The following ZFP1 variants were observed in gnomAD, a reference collection of about 807,000 sequenced individuals.
ZFP1 encodes the protein ZFP1 zinc finger protein, also known as zinc finger protein 1 homolog.
Under a neutral mutation model 38.5 loss-of-function variants are expected in ZFP1, and 32 were observed. The observed-to-expected ratio is 0.83, with a 90% CI of 0.63 to 1.12. The LOEUF (loss-of-function observed/expected upper bound fraction) is 1.12, where lower values mean the gene tolerates loss of function less well. Among genes scored for constraint, ZFP1 ranks in the 50% most tolerant of loss-of-function variants. The pLI is 0.00. For missense variants in ZFP1, 616 were observed against 480.8 expected (o/e 1.28, Z -2.63); for synonymous variants, 245 against 168.8 (o/e 1.45, Z -3.50).
chr16:75,134,702 G>A, the ZFP1 span, among the ~76,000 whole-genome samples: 86 of 148,346 alleles, frequency 5.8e-4, 1 homozygote, highest in African/African-American at 2.1e-3. Context: ...AGTGAGCCAA[G>A]ATCGCACCAC....
chr16:75,135,216 A>AAAAAAAAAAAAAC, the ZFP1 span, among the ~76,000 whole-genome samples: 2 of 145,250 alleles, frequency 1.4e-5, 1 homozygote, highest in Non-Finnish European at 3.0e-5. Context: ...TCTCAAAAAA[A>AAAAAAAAAAAAAC]AAAAAAAAAA....
intron 2 of ZFP1, among the ~76,000 whole-genome samples, chr16:75,154,192 C>G (rs1012513580): frequency 6.6e-6 from 1 of 150,884 alleles, no homozygotes; most frequent in East Asian, 1.9e-4. Flanking sequence ...CCACTGAACT[C>G]CAGCCTGGGC....
the ZFP1 span, among the ~76,000 whole-genome samples, chr16:75,129,983 T>A: frequency 6.6e-6 from 1 of 152,278 alleles, no homozygotes; most frequent in African/African-American, 2.4e-5. Context: ...TTTGACCTTT[T>A]GACTTGTGGT....
upstream of ZFP1, among the ~76,000 whole-genome samples, chr16:75,145,421 G>A (rs1372285574): frequency 2.0e-5 from 3 of 152,152 alleles, no homozygotes; most frequent in African/African-American, 4.8e-5. Context: ...CCTGGTGAGG[G>A]TTCTTACCCT....
At position 75,171,894 on chromosome 16, in the gene ZFP1, G is replaced by C. The variant is rs373810598; in HGVS notation, c.*1560G>C. On this transcript the variant is annotated 3_prime_UTR_variant, in exon 4 of 4. Coordinates refer to ENST00000570010, the MANE Select transcript of ZFP1 (RefSeq NM_153688.4). ...TGTAACAGCCTCCTTGGACAACATT[G>C]TGAGTCTGTTTTAACATTAATATAC... The C allele has an allele frequency of 1.3e-5, 2 of 152,212 alleles. No individual in the cohort carries two copies. Among genetic ancestry groups the C allele is most frequent in the Non-Finnish European group, 2.9e-5 (2 of 68,040 alleles). The allele number at this position is 152,212 out of a possible 1,614,324, so 9.4% of individuals were successfully genotyped here.
chr16:75,170,170 T>C lies in ZFP1; in HGVS notation c.1060T>C (p.Cys354Arg), dbSNP rs2038347141. ...TCATACAGGAGAGAAACCCTATGAA[T>C]GTACTGAGTGCGGCAAAACTTTCAG... Reference protein sequence around the residue: ...RTHTGEKPYECTECGKTFSQR... With the variant: ...RTHTGEKPYERTECGKTFSQR... Residue 354 changes from cysteine (C) to arginine (R), a missense_variant, in exon 4 of 4, where the codon TGT becomes CGT. Transcript: ENST00000570010. 6.2e-7 allele frequency: 1 copy of C among 1,614,208 alleles called. No homozygotes were observed. Among genetic ancestry groups the C allele is most frequent in the Non-Finnish European group, 8.5e-7 (1 of 1,180,040 alleles).
At chr16:75,136,149 G>A in the ZFP1 span, among the ~76,000 whole-genome samples, 2 of 152,126 alleles carry the variant, frequency 1.3e-5, no homozygotes, top group African/African-American at 4.8e-5. Context: ...TTAGGAAGTC[G>A]GGGGAGTCCC....
At position 75,171,239 on chromosome 16, in the gene ZFP1, TTAA is replaced by T. The variant is rs1212756611; in HGVS notation, c.*908_*910del. The T allele has an allele frequency of 2.6e-5, 4 of 152,242 alleles. No individual in the cohort carries two copies. Among genetic ancestry groups the T allele is most frequent in the Non-Finnish European group, 5.9e-5 (4 of 68,046 alleles). The allele number at this position is 152,242 out of a possible 1,614,324, so 9.4% of individuals were successfully genotyped here. A position where few individuals can be genotyped will look rare whatever the true frequency, so the allele number is the denominator to read the frequency against. ...CTGTTTTTGTCTTTCCTTGTTTCCCTTAATATTTCATGAATTGTCTAGCAAAAA... is the reference window on the plus strand; with the variant it reads ...CTGTTTTTGTCTTTCCTTGTTTCCCTTATTTCATGAATTGTCTAGCAAAAA... On this transcript the variant is annotated 3_prime_UTR_variant, in exon 4 of 4. Coordinates refer to ENST00000570010, the MANE Select transcript of ZFP1 (RefSeq NM_153688.4).
At chr16:75,145,927 A>G (rs2036938005), upstream of ZFP1, among the ~76,000 whole-genome samples, 1 of 152,104 alleles carries the variant, frequency 6.6e-6, no homozygotes, top group Admixed American at 6.6e-5. Context: ...CTGTCCATGG[A>G]TGGCAACTGC....
chr16:75,133,653 G>A, the ZFP1 span, among the ~76,000 whole-genome samples: 2 of 152,022 alleles, frequency 1.3e-5, no homozygotes, highest in Non-Finnish European at 2.9e-5. Context: ...CTATTATATT[G>A]GACAGCACAT....
chr16:75,139,563 A>G, the ZFP1 span, among the ~76,000 whole-genome samples: 1 of 152,054 alleles, frequency 6.6e-6, no homozygotes, highest in Non-Finnish European at 1.5e-5. Flanking sequence ...ATGGTGGCGC[A>G]CATGTGTGGT....
At chr16:75,123,362 A>G in the ZFP1 span, among the ~76,000 whole-genome samples, 2,176 of 141,306 alleles carry the variant, frequency 0.015, 55 homozygotes, top group African/African-American at 0.06. Flanking sequence ...AAATATATAT[A>G]TGTGTATATA....
At chr16:75,163,550 G>C (rs1426546062) in intron 2 of ZFP1, among the ~76,000 whole-genome samples, 1 of 151,574 alleles carries the variant, frequency 6.6e-6, no homozygotes, top group Non-Finnish European at 1.5e-5. Context: ...GACCTCAGGT[G>C]ATCCACCTGC....
At chr16:75,159,207 G>C (rs1411425188) in intron 2 of ZFP1, among the ~76,000 whole-genome samples, 1 of 150,138 alleles carries the variant, frequency 6.7e-6, no homozygotes, top group African/African-American at 2.4e-5. Flanking sequence ...CGTTGTTTTG[G>C]CTTGCTTGAT....
chr16:75,126,412 T>A, the ZFP1 span: 1 of 151,984 alleles, frequency 6.6e-6, no homozygotes, highest in African/African-American at 2.4e-5. Context: ...CCTTGCAAAG[T>A]CCACCCGCCT....
chr16:75,149,859 G>A (rs2037098375), intron 1 of ZFP1, among the ~76,000 whole-genome samples: 1 of 152,098 alleles, frequency 6.6e-6, no homozygotes, highest in South Asian at 2.1e-4. Flanking sequence ...AGGCTGGAGT[G>A]CAGTGGCACT....
intron 2 of ZFP1, among the ~76,000 whole-genome samples, chr16:75,156,766 T>G (rs1034101547): frequency 6.6e-6 from 1 of 152,212 alleles, no homozygotes; most frequent in South Asian, 2.1e-4. Flanking sequence ...AGGAGTAGAT[T>G]AAAGCAGAAC....
At position 75,171,725 on chromosome 16, in the gene ZFP1, T is replaced by A. The variant is rs181308565; in HGVS notation, c.*1391T>A. 216 of 152,364 alleles carry A rather than the reference T, an allele frequency of 1.4e-3. No individual in the cohort carries two copies. The highest frequency in any genetic ancestry group is 4.8e-3 in the African/African-American group (200 of 41,594). 9.4% of individuals were successfully genotyped at this position (152,364 alleles called of 1,614,324 possible). ...ATATTTTTGGATATCATTGATGTGC[T>A]GTCACACTATATATTGAGTGACTTT... On this transcript the variant is annotated 3_prime_UTR_variant, in exon 4 of 4. Coordinates refer to ENST00000570010, the MANE Select transcript of ZFP1 (RefSeq NM_153688.4).
intron 2 of ZFP1, among the ~76,000 whole-genome samples, chr16:75,160,695 A>T (rs953797546): frequency 6.6e-6 from 1 of 150,386 alleles, no homozygotes; most frequent in African/African-American, 2.4e-5. Flanking sequence ...TTATTTTCTC[A>T]CAGTTCTAGA....
Sources: gnomAD v4.1 joint callset for allele counts (sites outside exome capture counted in the v4.1 genomes callset) on GRCh38, gnomAD v4.1.1 for gene constraint, MANE v1.5 for transcripts, NCBI Gene and HGNC (gene_info 2026-07-23, HGNC 2026-07-21) for gene names.